GABRB1: variants seen among roughly 807,000 people sequenced by gnomAD.
The protein encoded by GABRB1 is gamma-aminobutyric acid type A receptor subunit beta1.
In GABRB1, 17 loss-of-function variants were observed where a neutral mutation model predicts 51.6. That is an observed-to-expected ratio of 0.33 (90% CI 0.23 to 0.49). GABRB1 has a LOEUF of 0.49. Ranked by LOEUF, GABRB1 falls within the 20% of genes least tolerant of loss-of-function variation. The pLI, the probability that GABRB1 is intolerant of heterozygous loss-of-function variation, is 0.99. For synonymous variants in GABRB1, 247 were observed against 218.9 expected (o/e 1.13, Z -1.14); for missense variants, 410 against 600.6 (o/e 0.68, Z 3.32).
At chr4:47,418,380 T>C (rs1412364184) in intron 8 of GABRB1, among the ~76,000 whole-genome samples, 2 of 152,224 alleles carry the variant, frequency 1.3e-5, no homozygotes, top group Admixed American at 1.3e-4. Context: ...CCAACGTTTC[T>C]ACAGTGCAGT....
intron 5 of GABRB1, among the ~76,000 whole-genome samples, chr4:47,377,320 C>A (rs1011178591): frequency 6.6e-6 from 1 of 151,974 alleles, no homozygotes; most frequent in Non-Finnish European, 1.5e-5. Flanking sequence ...TCACTGACTT[C>A]AAGAATGAAG....
chr4:47,278,178 T>C (rs1204726183), intron 4 of GABRB1, among the ~76,000 whole-genome samples: 1 of 152,192 alleles, frequency 6.6e-6, no homozygotes, highest in African/African-American at 2.4e-5. Context: ...GTAGCACATA[T>C]CTTTTACTAG....
intron 3 of GABRB1, among the ~76,000 whole-genome samples, chr4:47,159,554 T>C (rs552936823): frequency 2.0e-5 from 3 of 152,036 alleles, no homozygotes; most frequent in South Asian, 2.1e-4. Context: ...AGGTTTCATA[T>C]CTTTAGAAAG....
rs149555314 is a variant in GABRB1 at position 47,114,154 on chromosome 4, A to G, written c.241-47095A>G. On this transcript the variant is annotated intron_variant, in intron 3 of 8. Coordinates refer to ENST00000295454, the MANE Select transcript of GABRB1 (RefSeq NM_000812.4). Reference sequence around the variant, plus strand: ...ATTCCCGACCATCTACTTTTTCTCAATCCTATGTATAGTGATGTTTTTAGG... The same window carrying G: ...ATTCCCGACCATCTACTTTTTCTCAGTCCTATGTATAGTGATGTTTTTAGG... 2.3e-3 allele frequency among the ~76,000 whole-genome samples: 352 copies of G among 151,966 alleles called. 1 individual carries two copies. The highest frequency in any genetic ancestry group is 8.2e-3 in the African/African-American group (339 of 41,394).
chr4:47,342,476 A>G (rs1038132819), intron 5 of GABRB1, among the ~76,000 whole-genome samples: 8 of 152,248 alleles, frequency 5.3e-5, no homozygotes, highest in Non-Finnish European at 1.2e-4. Context: ...ATAGAAAAAT[A>G]ATAAAGCCAG....
intron 4 of GABRB1, among the ~76,000 whole-genome samples, chr4:47,239,688 C>T (rs1174373544): frequency 6.6e-6 from 1 of 152,128 alleles, no homozygotes; most frequent in Non-Finnish European, 1.5e-5. Flanking sequence ...CAAAAGTAAA[C>T]TTTTCCAAGT....
At chr4:47,327,621 G>A (rs1438584975) in intron 5 of GABRB1, among the ~76,000 whole-genome samples, 1 of 152,062 alleles carries the variant, frequency 6.6e-6, no homozygotes, top group South Asian at 2.1e-4. Flanking sequence ...TTAAAAAATG[G>A]TTTGATAACT....
chr4:47,183,871 A>G (rs1027174587), intron 4 of GABRB1, among the ~76,000 whole-genome samples: 1 of 151,800 alleles, frequency 6.6e-6, no homozygotes, highest in Non-Finnish European at 1.5e-5. Flanking sequence ...AGCTTCTTTC[A>G]TGTCAAAAAC....
chr4:46,993,873 C>G, exon 1 of GABRB1: 1 of 173,816 alleles, frequency 5.8e-6, no homozygotes, highest in Non-Finnish European at 1.2e-5. Context: ...ACCTCCTGGC[C>G]CCCTCCCTTC....
At chr4:47,003,973 G>A (rs1346180091) in intron 1 of GABRB1, among the ~76,000 whole-genome samples, 3 of 151,886 alleles carry the variant, frequency 2.0e-5, no homozygotes, top group African/African-American at 4.8e-5. Context: ...TATTTAAAAC[G>A]TTCTTTTGTT....
chr4:47,358,057 T>G (rs1021543473), intron 5 of GABRB1, among the ~76,000 whole-genome samples: 2 of 152,112 alleles, frequency 1.3e-5, no homozygotes, highest in Non-Finnish European at 2.9e-5. Flanking sequence ...TTTGCAGATA[T>G]GGACACTAAA....
intron 4 of GABRB1, among the ~76,000 whole-genome samples, chr4:47,196,716 G>A (rs958866869): frequency 1.6e-4 from 24 of 152,150 alleles, no homozygotes; most frequent in African/African-American, 5.3e-4. Flanking sequence ...ATCAAAGTCT[G>A]GGTATTGGTA....
At chr4:47,158,048 G>C (rs1717776130) in intron 3 of GABRB1, among the ~76,000 whole-genome samples, 1 of 151,912 alleles carries the variant, frequency 6.6e-6, no homozygotes, top group African/African-American at 2.4e-5. Context: ...TATAACAAAG[G>C]TTTCACCACA....
intron 3 of GABRB1, among the ~76,000 whole-genome samples, chr4:47,047,283 G>T (rs1726137724): frequency 6.6e-6 from 1 of 152,054 alleles, no homozygotes; most frequent in Admixed American, 6.6e-5. Context: ...ATATAATCCT[G>T]GAGTCTTGAT....
chr4:47,337,422 A>AT (rs1344324118), intron 5 of GABRB1, among the ~76,000 whole-genome samples: 1 of 152,078 alleles, frequency 6.6e-6, no homozygotes, highest in African/African-American at 2.4e-5. Context: ...GGATATGGGG[A>AT]TTTTACTTTT....
intron 4 of GABRB1, among the ~76,000 whole-genome samples, chr4:47,214,924 C>T (rs964289231): frequency 1.3e-5 from 2 of 152,130 alleles, no homozygotes; most frequent in Non-Finnish European, 2.9e-5. Flanking sequence ...TAAGTAAAGA[C>T]CATATTTCTC....
At chr4:47,353,117 G>C (rs1726421417) in intron 5 of GABRB1, among the ~76,000 whole-genome samples, 1 of 152,158 alleles carries the variant, frequency 6.6e-6, no homozygotes, top group Non-Finnish European at 1.5e-5. Flanking sequence ...GATCTCATGA[G>C]ACTTATTCAC....
intron 1 of GABRB1, among the ~76,000 whole-genome samples, chr4:47,006,007 T>TC (rs886943692): frequency 2.0e-5 from 3 of 151,454 alleles, no homozygotes; most frequent in African/African-American, 7.3e-5. Flanking sequence ...CTTTTTTTTT[T>TC]CACATCTTCT....
chr4:47,332,936 T>C (rs923712310), intron 5 of GABRB1, among the ~76,000 whole-genome samples: 1 of 151,704 alleles, frequency 6.6e-6, no homozygotes, highest in South Asian at 2.1e-4. Context: ...GGCTCCATTT[T>C]TTCTCTCTAA....
Sources: allele counts gnomAD v4.1 joint callset (sites outside exome capture counted in the v4.1 genomes callset), GRCh38; gene constraint gnomAD v4.1.1; transcripts MANE v1.5; gene names NCBI Gene and HGNC (gene_info 2026-07-23, HGNC 2026-07-21).